NRXN3: variants seen among roughly 807,000 people sequenced by gnomAD.
The protein encoded by NRXN3 is neurexin 3.
A neutral mutation model predicts 137.6 loss-of-function variants in NRXN3; 32 were observed. The ratio of observed to expected loss-of-function variants is 0.23; its 90% CI spans 0.18 to 0.31. The LOEUF is 0.31. NRXN3 is among the 10% of genes least tolerant of loss of function. The pLI is 1.00. For synonymous variants in NRXN3, 798 were observed against 784.5 expected, an observed-to-expected ratio of 1.02 and a Z score of -0.29; for missense variants, 1,574 against 2,062.5, an observed-to-expected ratio of 0.76 and a Z score of 4.59.
chr14:79,239,822 C>T (rs1017273595), intron 15 of NRXN3, among the ~76,000 whole-genome samples: 1 of 152,140 alleles, frequency 6.6e-6, no homozygotes, highest in Non-Finnish European at 1.5e-5. Flanking sequence ...GAATATTATT[C>T]AGCCTTAAAC....
In NRXN3 at chr14:78,435,515, G is replaced by A. The variant is rs574905911; in HGVS notation, c.757+137655G>A. Among the ~76,000 whole-genome samples the A allele has an allele frequency of 7.2e-5, 11 of 152,238 alleles. 1 individual carries two copies. The South Asian group carries it at 2.1e-3, about 29-fold the overall frequency. ...TAAAGACCTTTTTCTTCTGAAAGTTGGCAATTTTCTTTTGTCTTGATAAAT... is the reference window on the plus strand; with the variant it reads ...TAAAGACCTTTTTCTTCTGAAAGTTAGCAATTTTCTTTTGTCTTGATAAAT... On this transcript the variant is annotated intron_variant, in intron 4 of 20. Coordinates refer to ENST00000335750, the MANE Select transcript of NRXN3 (RefSeq NM_001330195.2).
intron 15 of NRXN3, among the ~76,000 whole-genome samples, chr14:79,103,042 A>G (rs1430269280): frequency 6.6e-6 from 1 of 152,192 alleles, no homozygotes; most frequent in Non-Finnish European, 1.5e-5. Context: ...TAATTTGTTC[A>G]AGAAATTCAG....
intron 20 of NRXN3, among the ~76,000 whole-genome samples, chr14:79,809,124 T>G (rs1277419336): frequency 6.6e-6 from 1 of 152,218 alleles, no homozygotes; most frequent in Non-Finnish European, 1.5e-5. Context: ...TAAATTAGTT[T>G]GAAACAGAAC....
chr14:79,723,626 T>G (rs2098858547), intron 19 of NRXN3, among the ~76,000 whole-genome samples: 1 of 152,098 alleles, frequency 6.6e-6, no homozygotes, highest in African/African-American at 2.4e-5. Flanking sequence ...CGAATGAAAT[T>G]TCAGACACAG....
intron 15 of NRXN3, among the ~76,000 whole-genome samples, chr14:79,007,518 C>G (rs1358385518): frequency 6.8e-6 from 1 of 147,080 alleles, no homozygotes; most frequent in Admixed American, 6.8e-5. Flanking sequence ...CAAAAAAAAA[C>G]AAAAAGTCTG....
intron 15 of NRXN3, chr14:79,279,894 T>G: frequency 9.8e-7 from 1 of 1,020,784 alleles, no homozygotes; most frequent in South Asian, 4.1e-5. Context: ...TCTTCCTTCA[T>G]TGCCACCTTT....
intron 8 of NRXN3, among the ~76,000 whole-genome samples, chr14:78,756,737 T>C (rs908519195): frequency 1.3e-5 from 2 of 152,166 alleles, no homozygotes; most frequent in Non-Finnish European, 2.9e-5. Flanking sequence ...ATTTGCACAA[T>C]TAACAGCTAT....
chr14:78,184,046 A>G (rs942652992), intron 1 of NRXN3, among the ~76,000 whole-genome samples: 4 of 152,158 alleles, frequency 2.6e-5, no homozygotes, highest in Non-Finnish European at 5.9e-5. Context: ...TGATTTTCTT[A>G]TTACAAAATA....
chr14:78,300,362 A>C (rs1441951966), intron 4 of NRXN3, among the ~76,000 whole-genome samples: 2 of 152,248 alleles, frequency 1.3e-5, no homozygotes, highest in South Asian at 4.1e-4. Context: ...AGACTTTGTC[A>C]TGTTTCTGAG....
In NRXN3 at chr14:78,711,432, C is replaced by CTTTTTTTTT. The variant is rs1254367279; in HGVS notation, c.1660+1778_1660+1779insTTTTTTTTT. 4.9e-3 allele frequency among the ~76,000 whole-genome samples: 506 copies of CTTTTTTTTT among 103,052 alleles called. 5 individuals are homozygous for CTTTTTTTTT. The highest frequency in any genetic ancestry group is 0.011 in the African/African-American group (296 of 26,718). The allele number at this position is 103,052 out of a possible 152,430, so 67.6% of individuals were successfully genotyped here. On this transcript the variant is annotated intron_variant, in intron 7 of 20. Transcript: ENST00000335750. Reference sequence around the variant, plus strand: ...AGCTAAAGCACTGGCTAATTCTTTTCTCTTTTTTTTTTTTTTTTTTTTTTT... The same window carrying CTTTTTTTTT: ...AGCTAAAGCACTGGCTAATTCTTTTCTTTTTTTTTTCTTTTTTTTTTTTTTTTTTTTTTT...
chr14:79,705,819 C>A (rs1306049854), intron 19 of NRXN3, among the ~76,000 whole-genome samples: 1 of 152,194 alleles, frequency 6.6e-6, no homozygotes, highest in East Asian at 1.9e-4. Context: ...TAGCACTTAT[C>A]ACTGCCTGAC....
intron 15 of NRXN3, among the ~76,000 whole-genome samples, chr14:79,379,621 G>C (rs1341498240): frequency 6.6e-6 from 1 of 152,108 alleles, no homozygotes; most frequent in Non-Finnish European, 1.5e-5. Context: ...TTTATGGTGG[G>C]AGCTTCTATC....
At chr14:79,349,853 GC>G (rs1374308546) in intron 15 of NRXN3, among the ~76,000 whole-genome samples, 1 of 152,078 alleles carries the variant, frequency 6.6e-6, no homozygotes, top group Non-Finnish European at 1.5e-5. Context: ...GGGAGAAGAT[GC>G]CATAGGCAAA....
chr14:78,968,069 T>A, intron 13 of NRXN3, 104 bp from the exon 14 acceptor site: 1 of 56,510 alleles, frequency 1.8e-5, no homozygotes, highest in Admixed American at 2.7e-4. Flanking sequence ...CCCCCCCAGC[T>A]ATCTTATTCC....
intron 15 of NRXN3, among the ~76,000 whole-genome samples, chr14:79,147,490 C>T (rs1008190786): frequency 6.6e-5 from 10 of 152,052 alleles, no homozygotes; most frequent in South Asian, 2.1e-4. Flanking sequence ...TATTTAATTT[C>T]GCCCATTTAA....
chr14:78,846,009 T>G (rs2099025955), intron 10 of NRXN3, among the ~76,000 whole-genome samples: 1 of 151,920 alleles, frequency 6.6e-6, no homozygotes, highest in African/African-American at 2.4e-5. Flanking sequence ...TCCAAGTAAA[T>G]TTATTTGCTT....
At chr14:79,168,615 T>C (rs1204633433) in intron 15 of NRXN3, among the ~76,000 whole-genome samples, 1 of 151,998 alleles carries the variant, frequency 6.6e-6, no homozygotes, top group Non-Finnish European at 1.5e-5. Context: ...TGTTATCTCC[T>C]GTTTCTTCCC....
chr14:79,794,536 C>T (rs2099155345), intron 19 of NRXN3, among the ~76,000 whole-genome samples: 1 of 152,184 alleles, frequency 6.6e-6, no homozygotes, highest in Admixed American at 6.5e-5. Flanking sequence ...TTCTCTCTGT[C>T]TTCTAAGCAA....
At position 78,243,920 on chromosome 14, in the gene NRXN3, G is replaced by A. The variant is rs567713189; in HGVS notation, c.709+118G>A. On this transcript the variant is annotated intron_variant, in intron 2 of 20. Transcript: ENST00000335750. This position sits in a 1 kb window ranked among gnomAD's most constrained non-coding sequence, Gnocchi z 4.2. ...CTTTAGCTGCATGTTAGATCACTGG[G>A]CCCCTTGCCCTAAGGAGGCAGTGGA... The A allele has an allele frequency of 3.4e-5, 25 of 738,098 alleles. No individual in the cohort carries two copies. In the African/African-American group the frequency reaches 3.9e-4, roughly 11 times the overall value. The allele number at this position is 738,098 out of a possible 1,614,324, so 45.7% of individuals were successfully genotyped here.
Sources: gnomAD v4.1 joint callset for allele counts (sites outside exome capture counted in the v4.1 genomes callset) on GRCh38, gnomAD v4.1.1 for gene constraint, Gnocchi (gnomAD v3.1) non-coding constraint, MANE v1.5 for transcripts, NCBI Gene and HGNC (gene_info 2026-07-23, HGNC 2026-07-21) for gene names.